Variants in PDE1A observed in about 807,000 individuals in gnomAD.
PDE1A encodes the protein phosphodiesterase 1A, also known as dual specificity calcium/calmodulin-dependent 3',5'-cyclic nucleotide phosphodiesterase 1A.
Under a neutral mutation model 61.7 loss-of-function variants are expected in PDE1A, and 35 were observed. The ratio of observed to expected loss-of-function variants is 0.57; its 90% confidence interval spans 0.43 to 0.75. The LOEUF is 0.75. Among genes scored for constraint, PDE1A ranks in the 30% least tolerant of loss-of-function variants. The pLI, the probability that PDE1A is intolerant of heterozygous loss-of-function variation, is 0.00. For missense variants in PDE1A, 597 were observed against 630.6 expected (o/e 0.95, Z 0.57); for synonymous variants, 232 against 213.2 (o/e 1.09, Z -0.77).
the PDE1A span, among the ~76,000 whole-genome samples, chr2:182,636,897 T>G: frequency 2.0e-5 from 3 of 152,350 alleles, no homozygotes; most frequent in African/African-American, 7.2e-5. Flanking sequence ...GGCTGGTCTT[T>G]GCTCCTAGAG....
the PDE1A span, among the ~76,000 whole-genome samples, chr2:182,533,238 G>T: frequency 1.3e-5 from 2 of 151,974 alleles, no homozygotes; most frequent in Non-Finnish European, 2.9e-5. Context: ...CTGAACCCGT[G>T]GGGTGGAGAG....
intron 6 of PDE1A, among the ~76,000 whole-genome samples, chr2:182,229,245 C>T (rs1689375433): frequency 6.6e-6 from 1 of 152,026 alleles, no homozygotes; most frequent in Admixed American, 6.6e-5. Context: ...CTGGTTGCCT[C>T]CTAGGCTGAA....
At chr2:182,188,579 A>G (rs567585295) in intron 11 of PDE1A, among the ~76,000 whole-genome samples, 1 of 152,318 alleles carries the variant, frequency 6.6e-6, no homozygotes, top group South Asian at 2.1e-4. Flanking sequence ...TGAAATGTGC[A>G]CTACTATATT....
chr2:182,342,808 A>C (rs922364790), intron 1 of PDE1A, among the ~76,000 whole-genome samples: 1 of 152,242 alleles, frequency 6.6e-6, no homozygotes, highest in Non-Finnish European at 1.5e-5. Context: ...TTTCATATGG[A>C]ACTCTTTTGC....
At chr2:182,635,488 T>C in the PDE1A span, among the ~76,000 whole-genome samples, 1 of 152,214 alleles carries the variant, frequency 6.6e-6, no homozygotes, top group Non-Finnish European at 1.5e-5. Context: ...TGTTTGTTTT[T>C]ATCAAATGAA....
At chr2:182,355,435 T>G (rs146808426) in intron 1 of PDE1A, among the ~76,000 whole-genome samples, 1 of 152,028 alleles carries the variant, frequency 6.6e-6, no homozygotes, top group African/African-American at 2.4e-5. Flanking sequence ...ATATTTAAAT[T>G]TTATGCTATT....
intron 8 of PDE1A, among the ~76,000 whole-genome samples, 171 bp downstream of exon 8, chr2:182,205,769 G>A (rs572663101): frequency 6.6e-6 from 1 of 152,112 alleles, no homozygotes; most frequent in Non-Finnish European, 1.5e-5. Flanking sequence ...ACACAGTCTG[G>A]CTCTGAACAA....
At chr2:182,663,040 C>T in the PDE1A span, among the ~76,000 whole-genome samples, 3 of 152,186 alleles carry the variant, frequency 2.0e-5, no homozygotes, top group Non-Finnish European at 4.4e-5. Flanking sequence ...AAACACTTCT[C>T]AAATGAAGAC....
At chr2:182,197,130 A>G (rs1387631227) in intron 10 of PDE1A, among the ~76,000 whole-genome samples, 1 of 151,852 alleles carries the variant, frequency 6.6e-6, no homozygotes, top group African/African-American at 2.4e-5. Context: ...TCATGGGGCT[A>G]TATGATATTT....
At chr2:182,270,111 T>C (rs1445305103) in intron 1 of PDE1A, among the ~76,000 whole-genome samples, 1 of 152,172 alleles carries the variant, frequency 6.6e-6, no homozygotes, top group Non-Finnish European at 1.5e-5. Context: ...GAGCACACTT[T>C]GATCTGCTTA....
intron 1 of PDE1A, among the ~76,000 whole-genome samples, chr2:182,392,632 A>G (rs111300960): frequency 0.01 from 1,594 of 152,348 alleles, 9 homozygotes; most frequent in East Asian, 0.016. Flanking sequence ...TCTGCCTATG[A>G]GACTGTGAAA....
chr2:182,330,062 G>A (rs1358244207), intron 1 of PDE1A, among the ~76,000 whole-genome samples: 1 of 152,052 alleles, frequency 6.6e-6, no homozygotes, highest in Non-Finnish European at 1.5e-5. Context: ...TTATTTCTCG[G>A]TTGGGCATCG....
the PDE1A span, among the ~76,000 whole-genome samples, chr2:182,551,635 T>C: frequency 2.4e-4 from 36 of 152,160 alleles, no homozygotes; most frequent in Non-Finnish European, 4.6e-4. Flanking sequence ...CTAGAAAGCA[T>C]TCTTATAGAA....
At chr2:182,303,956 A>G (rs1695411916) in intron 1 of PDE1A, among the ~76,000 whole-genome samples, 1 of 152,040 alleles carries the variant, frequency 6.6e-6, no homozygotes, top group Non-Finnish European at 1.5e-5. Flanking sequence ...GCTGGAGTGC[A>G]GTGGCAAGAT....
exon 13 of PDE1A, chr2:182,185,940 C>T: frequency 2.5e-6 from 4 of 1,614,056 alleles, no homozygotes; most frequent in Non-Finnish European, 3.4e-6. Context: ...TGAATGATGT[C>T]CACCAGGTTG....
chr2:182,256,777 A>T (rs1691851513), intron 2 of PDE1A, among the ~76,000 whole-genome samples: 2 of 152,228 alleles, frequency 1.3e-5, no homozygotes, highest in African/African-American at 4.8e-5. Context: ...TCTGGGCTAC[A>T]GATACCAACC....
chr2:182,532,945 CAAAAA>C, the PDE1A span, among the ~76,000 whole-genome samples: 56 of 21,166 alleles, frequency 2.6e-3, no homozygotes, highest in South Asian at 0.023. Context: ...GACTCCGTCT[CAAAAA>C]AAAAAAAAAA....
intron 1 of PDE1A, among the ~76,000 whole-genome samples, chr2:182,367,521 C>G (rs965270142): frequency 4.6e-5 from 7 of 151,966 alleles, no homozygotes; most frequent in African/African-American, 1.7e-4. Context: ...AATTTGTTCT[C>G]TTAATAAAAT....
chr2:182,647,925 A>G, the PDE1A span, among the ~76,000 whole-genome samples: 1 of 152,202 alleles, frequency 6.6e-6, no homozygotes, highest in East Asian at 1.9e-4. Context: ...TGAGGAAAAA[A>G]AAAGGCACAG....
Sources: allele counts gnomAD v4.1 joint callset (sites outside exome capture counted in the v4.1 genomes callset), GRCh38; gene constraint gnomAD v4.1.1; transcripts MANE v1.5; gene names NCBI Gene and HGNC (gene_info 2026-07-23, HGNC 2026-07-21).